The following CLSTN2 variants were observed in gnomAD, a reference collection of about 807,000 sequenced individuals.
CLSTN2 encodes calsyntenin-2.
CLSTN2 carries 48 observed loss-of-function variants against 101.2 expected under a neutral mutation model. The ratio of observed to expected loss-of-function variants is 0.47; its 90% CI spans 0.38 to 0.60. The LOEUF (loss-of-function observed/expected upper bound fraction) is 0.60. CLSTN2 is among the 20% of genes least tolerant of loss of function. The probability of loss-of-function intolerance (pLI) is 0.00; values close to 1 mark genes in which losing one functional copy is unlikely to be tolerated. For synonymous variants in CLSTN2, 481 were observed against 463.6 expected (o/e 1.04, Z -0.48); for missense variants, 1,160 against 1,238.2 (o/e 0.94, Z 0.95).
chr3:139,966,589 G>A (rs934469559), intron 1 of CLSTN2, among the ~76,000 whole-genome samples: 6 of 152,160 alleles, frequency 3.9e-5, no homozygotes, highest in Admixed American at 3.3e-4. Flanking sequence ...TGTGCTGCTG[G>A]TTGGGTTTGG....
At chr3:140,097,340 G>A (rs1163213369) in intron 1 of CLSTN2, among the ~76,000 whole-genome samples, 1 of 152,152 alleles carries the variant, frequency 6.6e-6, no homozygotes, top group Non-Finnish European at 1.5e-5. Context: ...TAAACTGAGA[G>A]ATTTAGCAGC....
chr3:140,559,522 TA>T (rs1935867444), intron 12 of CLSTN2, among the ~76,000 whole-genome samples: 1 of 136,598 alleles, frequency 7.3e-6, no homozygotes, highest in South Asian at 2.2e-4. Flanking sequence ...AACACTTAGT[TA>T]TGCTGAAAGC....
At chr3:140,132,402 C>T (rs1309081389) in intron 1 of CLSTN2, among the ~76,000 whole-genome samples, 1 of 152,128 alleles carries the variant, frequency 6.6e-6, no homozygotes, top group Non-Finnish European at 1.5e-5. Context: ...AACTTAGTCT[C>T]CCCATGCAGG....
chr3:140,315,715 A>G (rs2087222823), intron 2 of CLSTN2, among the ~76,000 whole-genome samples: 1 of 152,122 alleles, frequency 6.6e-6, no homozygotes. Context: ...CCCTCTAGCA[A>G]TTTGTCTTCC....
intron 1 of CLSTN2, among the ~76,000 whole-genome samples, chr3:140,083,727 T>G (rs1166184859): frequency 4.6e-5 from 7 of 152,254 alleles, no homozygotes; most frequent in Non-Finnish European, 1.0e-4. Flanking sequence ...TTATCCCACC[T>G]GTGCTGGGGA....
intron 1 of CLSTN2, among the ~76,000 whole-genome samples, chr3:140,030,976 C>T (rs1172453347): frequency 2.0e-5 from 3 of 152,178 alleles, no homozygotes; most frequent in Non-Finnish European, 4.4e-5. Context: ...TATGTCAGCC[C>T]TTCTGTTGGG....
intron 16 of CLSTN2, among the ~76,000 whole-genome samples, chr3:140,565,536 C>G (rs1936009081): frequency 6.6e-6 from 1 of 152,090 alleles, no homozygotes. Context: ...AAGTGAGGAC[C>G]AATAAATTTG....
At position 140,518,715 on chromosome 3, in the gene CLSTN2, C is replaced by T. The variant is rs117053263; in HGVS notation, c.1345-13609C>T. Among the ~76,000 whole-genome samples the T allele has an allele frequency of 5.9e-5, 9 of 152,302 alleles. No homozygotes were observed. The East Asian group carries it at 1.7e-3, about 29-fold the overall frequency. On this transcript the variant is annotated intron_variant, in intron 8 of 16. Transcript: ENST00000458420. ...TTCCTTCAAAGGGTCTGTGGATTCT[C>T]TCGGCTTTCCTGGTATGTTCCTGTG...
intron 2 of CLSTN2, among the ~76,000 whole-genome samples, chr3:140,247,072 A>G (rs2086524686): frequency 6.6e-6 from 1 of 152,134 alleles, no homozygotes; most frequent in Non-Finnish European, 1.5e-5. Flanking sequence ...CTCCTCTTCT[A>G]ATTAAGGATG....
chr3:140,268,599 ACAAACAGAGGTGT>A (rs764321123), intron 2 of CLSTN2, among the ~76,000 whole-genome samples: 1 of 152,196 alleles, frequency 6.6e-6, no homozygotes, highest in Non-Finnish European at 1.5e-5. Flanking sequence ...ATTTGGCTTG[ACAAACAGAGGTGT>A]CATTGTGCAA....
intron 1 of CLSTN2, among the ~76,000 whole-genome samples, chr3:140,005,059 C>T (rs999298842): frequency 8.6e-5 from 13 of 152,006 alleles, no homozygotes; most frequent in Non-Finnish European, 1.6e-4. Context: ...TGTGGCTAGC[C>T]CTGGATCTTA....
At chr3:140,026,095 C>T (rs2007414818) in intron 1 of CLSTN2, among the ~76,000 whole-genome samples, 1 of 152,114 alleles carries the variant, frequency 6.6e-6, no homozygotes, top group Admixed American at 6.5e-5. Flanking sequence ...AGCTCCTAAC[C>T]CTACTTTCAG....
intron 1 of CLSTN2, among the ~76,000 whole-genome samples, chr3:140,021,424 A>G (rs2007313978): frequency 6.6e-6 from 1 of 152,202 alleles, no homozygotes. Flanking sequence ...GCGTACCGGC[A>G]GCATTGCAGT....
At chr3:140,462,473 T>A (rs1323355837) in intron 7 of CLSTN2, among the ~76,000 whole-genome samples, 1 of 152,218 alleles carries the variant, frequency 6.6e-6, no homozygotes, top group Admixed American at 6.5e-5. Context: ...ATAATAGAAA[T>A]GTTAGGAAAG....
chr3:139,962,185 A>G (rs746011058), intron 1 of CLSTN2, among the ~76,000 whole-genome samples: 12 of 152,206 alleles, frequency 7.9e-5, no homozygotes, highest in East Asian at 3.8e-4. Context: ...TTTCTGATAC[A>G]TATCACCAAA....
At chr3:140,527,563 A>G (rs111428900) in intron 8 of CLSTN2, among the ~76,000 whole-genome samples, 24 of 152,336 alleles carry the variant, frequency 1.6e-4, no homozygotes, top group Admixed American at 5.2e-4. Flanking sequence ...CAGCAATCCC[A>G]TTACTGGATA....
At chr3:140,564,260 A>G in intron 16 of CLSTN2, 115 bp downstream of exon 16, 2 of 873,680 alleles carry the variant, frequency 2.3e-6, no homozygotes, top group Non-Finnish European at 3.6e-6. Context: ...GCCCTGCCCC[A>G]TCTAGTCCAG....
At chr3:140,393,272 A>G (rs1002973979) in intron 2 of CLSTN2, among the ~76,000 whole-genome samples, 3 of 152,156 alleles carry the variant, frequency 2.0e-5, no homozygotes, top group Non-Finnish European at 2.9e-5. Context: ...AAAAATGGGG[A>G]GAGAGAGATT....
chr3:140,314,652 A>C (rs1236623298), intron 2 of CLSTN2, among the ~76,000 whole-genome samples: 1 of 152,120 alleles, frequency 6.6e-6, no homozygotes, highest in Non-Finnish European at 1.5e-5. Flanking sequence ...TTGCATACGA[A>C]TCTGGATTTC....
Sources: gnomAD v4.1 joint callset for allele counts (sites outside exome capture counted in the v4.1 genomes callset) on GRCh38, gnomAD v4.1.1 for gene constraint, MANE v1.5 for transcripts, NCBI Gene and HGNC (gene_info 2026-07-23, HGNC 2026-07-21) for gene names.